MGAT4A: variants seen among roughly 807,000 people sequenced by gnomAD.
The protein encoded by MGAT4A is N-acetylglucosaminyltransferase IVa.
A neutral mutation model predicts 74.1 loss-of-function variants in MGAT4A; 33 were observed. That is an observed-to-expected ratio of 0.45 (90% CI 0.34 to 0.60). The LOEUF (loss-of-function observed/expected upper bound fraction) is 0.60, where lower values mean the gene tolerates loss of function less well. Ranked by LOEUF, MGAT4A falls within the 20% of genes least tolerant of loss-of-function variation. MGAT4A has a pLI of 0.02. For missense variants in MGAT4A, 479 were observed against 628.3 expected (o/e 0.76, Z 2.54); for synonymous variants, 198 against 210.4 (o/e 0.94, Z 0.51).
At chr2:98,711,262 G>GA (rs60628182) in intron 2 of MGAT4A, among the ~76,000 whole-genome samples, 35,082 of 110,112 alleles carry the variant, frequency 0.32, 5,399 homozygotes, top group African/African-American at 0.46. Flanking sequence ...AGTTAATTTG[G>GA]AAAAAAAAAA....
At chr2:98,647,544 C>T (rs1701509855) in intron 8 of MGAT4A, among the ~76,000 whole-genome samples, 1 of 152,170 alleles carries the variant, frequency 6.6e-6, no homozygotes, top group Non-Finnish European at 1.5e-5. Context: ...GTCTCGAACC[C>T]TTGACCTCAG....
At chr2:98,728,006 G>A (rs1397066039) in intron 1 of MGAT4A, among the ~76,000 whole-genome samples, 3 of 152,074 alleles carry the variant, frequency 2.0e-5, no homozygotes, top group Admixed American at 1.3e-4. Flanking sequence ...CTCAAATGAG[G>A]CCTCCTGCAC....
intron 8 of MGAT4A, among the ~76,000 whole-genome samples, chr2:98,654,530 A>G (rs1485777599): frequency 6.6e-6 from 1 of 152,154 alleles, no homozygotes; most frequent in South Asian, 2.1e-4. Context: ...ATCCAAAAAA[A>G]AAATCAAGAA....
At chr2:98,684,470 T>C (rs1702101846) in intron 2 of MGAT4A, among the ~76,000 whole-genome samples, 1 of 152,236 alleles carries the variant, frequency 6.6e-6, no homozygotes, top group South Asian at 2.1e-4. Flanking sequence ...TTTGTACAAA[T>C]TGTGTTTTGT....
intron 14 of MGAT4A, among the ~76,000 whole-genome samples, chr2:98,632,403 A>G (rs543030733): frequency 6.6e-6 from 1 of 152,342 alleles, no homozygotes; most frequent in African/African-American, 2.4e-5. Context: ...TCTCAACAGC[A>G]GCTTGTTTGC....
At chr2:98,696,842 C>G (rs868862892) in intron 2 of MGAT4A, among the ~76,000 whole-genome samples, 6 of 152,174 alleles carry the variant, frequency 3.9e-5, no homozygotes, top group Admixed American at 2.0e-4. Flanking sequence ...AACTGCATAC[C>G]CATACATTAA....
intron 14 of MGAT4A, among the ~76,000 whole-genome samples, chr2:98,634,816 G>A (rs1304702781): frequency 6.6e-6 from 1 of 151,346 alleles, no homozygotes; most frequent in Non-Finnish European, 1.5e-5. Context: ...AGACGGCTAT[G>A]TGGCTGCCAG....
intron 2 of MGAT4A, among the ~76,000 whole-genome samples, chr2:98,708,435 G>C (rs1702470770): frequency 6.6e-6 from 1 of 151,986 alleles, no homozygotes; most frequent in South Asian, 2.1e-4. Flanking sequence ...CAATAAACCT[G>C]AAATCCTAAA....
chr2:98,658,922 T>C (rs1701702103), intron 5 of MGAT4A, among the ~76,000 whole-genome samples: 1 of 152,240 alleles, frequency 6.6e-6, no homozygotes, highest in Non-Finnish European at 1.5e-5. Flanking sequence ...TCTTTATTGA[T>C]TTAATGAATC....
intron 1 of MGAT4A, among the ~76,000 whole-genome samples, chr2:98,729,917 C>A (rs143399130): frequency 6.6e-6 from 1 of 152,140 alleles, no homozygotes; most frequent in Non-Finnish European, 1.5e-5. Context: ...CATTTATAAA[C>A]GGGTCAGTAG....
intron 14 of MGAT4A, among the ~76,000 whole-genome samples, chr2:98,628,837 G>C (rs1332450287): frequency 1.3e-5 from 2 of 152,030 alleles, no homozygotes; most frequent in Non-Finnish European, 2.9e-5. Flanking sequence ...AATTATAAAT[G>C]CATCATTGTG....
chr2:98,632,950 G>A (rs1388957660), intron 14 of MGAT4A, among the ~76,000 whole-genome samples: 1 of 152,182 alleles, frequency 6.6e-6, no homozygotes, highest in Non-Finnish European at 1.5e-5. Flanking sequence ...ACTAGAGATA[G>A]GGTTTCACCA....
intron 4 of MGAT4A, among the ~76,000 whole-genome samples, chr2:98,666,259 G>A (rs1701828975): frequency 6.6e-6 from 1 of 152,102 alleles, no homozygotes; most frequent in Admixed American, 6.5e-5. Context: ...TTGAGTAACT[G>A]GACGGGGGCA....
intron 1 of MGAT4A, among the ~76,000 whole-genome samples, chr2:98,728,651 A>C (rs1158593451): frequency 6.6e-6 from 1 of 151,852 alleles, no homozygotes; most frequent in Non-Finnish European, 1.5e-5. Flanking sequence ...CGGGAGGCTG[A>C]GGCAGGAGAA....
At chr2:98,629,528 T>TC (rs1701196570) in intron 14 of MGAT4A, among the ~76,000 whole-genome samples, 1 of 152,196 alleles carries the variant, frequency 6.6e-6, no homozygotes, top group South Asian at 2.1e-4. Flanking sequence ...TGTCACCTGA[T>TC]GAGCTCATTT....
chr2:98,640,256 G>A, intron 10 of MGAT4A, 28 bp from the exon 11 acceptor site: 1 of 1,546,236 alleles, frequency 6.5e-7, no homozygotes, highest in Non-Finnish European at 8.9e-7. Context: ...TCACGTTAGT[G>A]TTGCATCATA....
rs893462073 is a variant in MGAT4A, at chr2:98,656,390, G to A, written c.660C>T (p.Asn220=). ...TGGAGTCTCCAAATGTCTCCTTTAGGTTTGTCAAGTCAGGATAATAGCTTT... is the reference window on the plus strand; with the variant it reads ...TGGAGTCTCCAAATGTCTCCTTTAGATTTGTCAAGTCAGGATAATAGCTTT... ...PPESYYPDLT[N]LKETFGDSKE... The change falls in exon 7 of 16, where the codon AAC becomes AAT. Residue 220 remains asparagine, a synonymous_variant. Transcript: ENST00000393487. The A allele has an allele frequency of 1.2e-6, 2 of 1,611,428 alleles. No individual in the cohort carries two copies. The highest frequency in any genetic ancestry group is 1.7e-6 in the Non-Finnish European group (2 of 1,178,354).
chr2:98,636,257 T>C (rs1701318428), intron 13 of MGAT4A, among the ~76,000 whole-genome samples: 3 of 152,026 alleles, frequency 2.0e-5, no homozygotes, highest in Admixed American at 2.0e-4. Flanking sequence ...CCTCCCAAAG[T>C]GCTGGGATTA....
At chr2:98,704,157 T>C (rs1434804887) in intron 2 of MGAT4A, among the ~76,000 whole-genome samples, 1 of 152,096 alleles carries the variant, frequency 6.6e-6, no homozygotes, top group South Asian at 2.1e-4. Flanking sequence ...CAATAAACAC[T>C]AGGTGAATGA....
Sources: gnomAD v4.1 joint callset for allele counts (sites outside exome capture counted in the v4.1 genomes callset) on GRCh38, gnomAD v4.1.1 for gene constraint, MANE v1.5 for transcripts, NCBI Gene and HGNC (gene_info 2026-07-23, HGNC 2026-07-21) for gene names.